Variants in XPO1 observed in about 807,000 individuals in gnomAD.
The protein encoded by XPO1 is exportin-1.
Under a neutral mutation model 133.3 loss-of-function variants are expected in XPO1, and 5 were observed. The ratio of observed to expected loss-of-function variants is 0.04; its 90% CI spans 0.02 to 0.08. The LOEUF (loss-of-function observed/expected upper bound fraction) is 0.08. Among genes scored for constraint, XPO1 ranks in the 10% least tolerant of loss-of-function variants. The probability of loss-of-function intolerance (pLI) is 1.00; values close to 1 mark genes in which losing one functional copy is unlikely to be tolerated. For missense variants in XPO1, 506 were observed against 1,267.5 expected, an observed-to-expected ratio of 0.40 and a Z score of 9.12; for synonymous variants, 419 against 408.2, an observed-to-expected ratio of 1.03 and a Z score of -0.32.
chr2:61,523,336 C>T (rs1698778244), intron 3 of XPO1, among the ~76,000 whole-genome samples: 1 of 152,220 alleles, frequency 6.6e-6, no homozygotes, highest in Admixed American at 6.5e-5. Flanking sequence ...ATCTACCTTT[C>T]AGGTATTTCT....
chr2:61,518,417 AACACACACACACACACAC>A lies in XPO1; in HGVS notation c.301+4176_301+4193del, dbSNP rs200566050. 2.5e-3 allele frequency among the ~76,000 whole-genome samples: 307 copies of A among 124,474 alleles called. 3 individuals carry two copies. The highest frequency in any genetic ancestry group is 0.012 in the East Asian group (57 of 4,724). The allele number at this position is 124,474 out of a possible 152,430, so 81.7% of individuals were successfully genotyped here. ...AAAAAAAACAAAAAACAAAAAACAAAACACACACACACACACACACACACACACACACACACACACACA... is the reference window on the plus strand; with the variant it reads ...AAAAAAAACAAAAAACAAAAAACAAAACACACACACACACACACACACACA... On this transcript the variant is annotated intron_variant, in intron 4 of 24. Coordinates refer to ENST00000401558, the MANE Select transcript of XPO1 (RefSeq NM_003400.4).
Position 61,483,073 on chromosome 2 carries a change from G to A in XPO1, c.2696C>T (p.Thr899Ile). ...VADTGLQILF[T>I]LLQNVAQEEA... ...TTCTTGTGCAACATTTTGTAAGAGT[G>A]TAAAAAGTATCTGTAAGCCTAAAAG... The change falls in exon 22 of 25, where the codon ACA (threonine) becomes ATA (isoleucine). Residue 899 changes from threonine to isoleucine, a missense_variant. By Grantham distance (89) the Thr-to-Ile change is moderately conservative (BLOSUM62 -1). Transcript: ENST00000401558. The A allele has an allele frequency of 6.2e-7, 1 of 1,612,534 alleles. No individual in the cohort carries two copies. Among genetic ancestry groups the A allele is most frequent in the Non-Finnish European group, 8.5e-7 (1 of 1,179,666 alleles).
chr2:61,505,581 G>A (rs1481886751), intron 4 of XPO1, among the ~76,000 whole-genome samples: 3 of 151,190 alleles, frequency 2.0e-5, no homozygotes, highest in African/African-American at 7.3e-5. Context: ...TTTTTTTTGA[G>A]ACAGAGCCTC....
In XPO1 at chr2:61,488,737, T is replaced by C. The variant is rs1336223372; in HGVS notation, c.2057A>G (p.Lys686Arg). 1 of 1,614,196 alleles carries C rather than the reference T, an allele frequency of 6.2e-7. No homozygotes were observed. Residue 686 changes from lysine (K) to arginine (R), a missense_variant, in exon 18 of 25, where the codon AAG (lysine) becomes AGG (arginine). Transcript: ENST00000401558. Reference protein sequence around the residue: ...VDILKDPETVKQLGSILKTNV... With the variant: ...VDILKDPETVRQLGSILKTNV... ...TGTTTTCAAAATGCTACCAAGCTGC[T>C]TGACTGTTTCAGGATCTTTCAGTAT...
In XPO1 at chr2:61,531,172, C is replaced by T. The variant is rs370999812; in HGVS notation, c.126+2600G>A. ...GTAAACGAAAAGTAGACTGAACTAA[C>T]GACATAGGACTTTTAGAGACCAAAA... is the stretch of plus-strand genomic sequence containing the variant. On this transcript the variant is annotated intron_variant, in intron 2 of 24. Transcript: ENST00000401558. 3.5e-4 allele frequency among the ~76,000 whole-genome samples: 53 copies of T among 152,278 alleles called. No individual in the cohort carries two copies. In the South Asian group the frequency reaches 9.7e-3, roughly 28 times the overall value.
At chr2:61,530,728 TAAAAA>T (rs201428574) in intron 2 of XPO1, among the ~76,000 whole-genome samples, 1 of 141,644 alleles carries the variant, frequency 7.1e-6, no homozygotes, top group Non-Finnish European at 1.5e-5. Flanking sequence ...CACATTCCTT[TAAAAA>T]AAAAAAAACC....
At chr2:61,496,106 C>T (rs1697228130) in intron 10 of XPO1, among the ~76,000 whole-genome samples, 1 of 152,142 alleles carries the variant, frequency 6.6e-6, no homozygotes, top group Non-Finnish European at 1.5e-5. Context: ...AAATTAAAGG[C>T]CGCTATCACA....
intron 4 of XPO1, among the ~76,000 whole-genome samples, chr2:61,521,993 A>C (rs963053242): frequency 6.6e-6 from 1 of 152,040 alleles, no homozygotes; most frequent in African/African-American, 2.4e-5. Flanking sequence ...TCTGGCCTTA[A>C]ATGACCCTCC....
chr2:61,497,064 T>C, intron 9 of XPO1, 57 bp from the exon 10 acceptor site: 2 of 1,550,856 alleles, frequency 1.3e-6, no homozygotes, highest in Admixed American at 2.2e-5. Flanking sequence ...ACACTTTACT[T>C]AAAATTCACA....
rs1021310894 is a variant in XPO1 at position 61,481,093 on chromosome 2, C to T, written c.3069+92G>A. ...TTATCTTGAAACCCCATTTATTTGGCATGACAAATCAAGTGATAAAAATTC... is the reference window on the plus strand; with the variant it reads ...TTATCTTGAAACCCCATTTATTTGGTATGACAAATCAAGTGATAAAAATTC... On this transcript the variant is annotated intron_variant, in intron 24 of 24. Coordinates refer to ENST00000401558, the MANE Select transcript of XPO1 (RefSeq NM_003400.4). The T allele has an allele frequency of 7.2e-5, 53 of 733,532 alleles. No individual in the cohort carries two copies. In the East Asian group the frequency reaches 1.1e-3, roughly 15 times the overall value. The allele number at this position is 733,532 out of a possible 1,614,324, so 45.4% of individuals were successfully genotyped here. A position where few individuals can be genotyped will look rare whatever the true frequency, so the allele number is the denominator to read the frequency against.
chr2:61,528,638 G>A (rs890581699), intron 2 of XPO1, among the ~76,000 whole-genome samples: 2 of 141,230 alleles, frequency 1.4e-5, no homozygotes, highest in South Asian at 2.2e-4. Context: ...GGTTGACTGC[G>A]TGAGACTCCC....
intron 2 of XPO1, among the ~76,000 whole-genome samples, chr2:61,531,288 G>A (rs1245623847): frequency 6.6e-6 from 1 of 152,172 alleles, no homozygotes; most frequent in African/African-American, 2.4e-5. Flanking sequence ...AACTGATTTT[G>A]TCACATGATC....
At chr2:61,529,461 G>T (rs974925654) in intron 2 of XPO1, among the ~76,000 whole-genome samples, 3 of 152,110 alleles carry the variant, frequency 2.0e-5, no homozygotes, top group African/African-American at 4.8e-5. Context: ...TTCAAGACCA[G>T]CCTGGCCAAC....
intron 9 of XPO1, among the ~76,000 whole-genome samples, chr2:61,497,689 G>A (rs1362959596): frequency 6.6e-6 from 1 of 152,116 alleles, no homozygotes; most frequent in Non-Finnish European, 1.5e-5. Context: ...AAGAATATGG[G>A]AAAATTGGCT....
chr2:61,525,811 A>T, intron 3 of XPO1: 6 of 1,038,294 alleles, frequency 5.8e-6, no homozygotes, highest in Non-Finnish European at 7.0e-6. Context: ...AATGTATATC[A>T]AGTGGAAACC....
chr2:61,488,475 G>A (rs1452088940), intron 18 of XPO1, 113 bp downstream of exon 18: 4 of 1,236,206 alleles, frequency 3.2e-6, no homozygotes, highest in Non-Finnish European at 4.6e-6. Context: ...GGGTCATTTG[G>A]GAAATGGGAG....
chr2:61,488,578 A>G lies in XPO1; in HGVS notation c.2206+10T>C. ...TATACTGCATTGTGTAAGAAATCAG[A>G]ATCACCTACCATTAGCTTGGATAGC... On this transcript the variant is annotated intron_variant, in intron 18 of 24. Transcript: ENST00000401558. The G allele has an allele frequency of 6.2e-7, 1 of 1,610,764 alleles. No individual in the cohort carries two copies. Among genetic ancestry groups the G allele is most frequent in the Non-Finnish European group, 8.5e-7 (1 of 1,177,928 alleles).
Position 61,510,909 on chromosome 2 carries a change from G to A in XPO1, c.302-8599C>T, listed in dbSNP as rs934477945. Among the ~76,000 whole-genome samples the A allele has an allele frequency of 4.4e-4, 64 of 146,258 alleles. 1 individual carries two copies. Among genetic ancestry groups the A allele is most frequent in the African/African-American group, 1.6e-3 (63 of 39,092 alleles). ...GCCATGATCCCGCCACTGCACTCCA[G>A]CTTGGGCGACAGCGTGAGACCTTAT... On this transcript the variant is annotated intron_variant, in intron 4 of 24. Transcript: ENST00000401558.
At chr2:61,490,525 C>T in intron 17 of XPO1, 117 bp downstream of exon 17, 2 of 1,402,428 alleles carry the variant, frequency 1.4e-6, no homozygotes, top group South Asian at 2.5e-5. Flanking sequence ...GAAAGACACA[C>T]ATAAAAGCAC....
Sources: gnomAD v4.1 joint callset for allele counts (sites outside exome capture counted in the v4.1 genomes callset) on GRCh38, gnomAD v4.1.1 for gene constraint, MANE v1.5 for transcripts, NCBI Gene and HGNC (gene_info 2026-07-23, HGNC 2026-07-21) for gene names.